The following SLC16A8 variants were observed in gnomAD, a reference collection of about 807,000 sequenced individuals.
SLC16A8 encodes the protein solute carrier family 16 member 8.
SLC16A8 carries 20 observed loss-of-function variants against 22.4 expected under a neutral mutation model. The ratio of observed to expected loss-of-function variants is 0.89; its 90% CI spans 0.63 to 1.30. SLC16A8 has a LOEUF of 1.30. Ranked by LOEUF, SLC16A8 falls within the 50% of genes most tolerant of loss-of-function variation. The probability of loss-of-function intolerance (pLI) is 0.00; values close to 1 mark genes in which losing one functional copy is unlikely to be tolerated. For missense variants in SLC16A8, 817 were observed against 740.3 expected (o/e 1.10, Z -1.20); for synonymous variants, 393 against 358.8 (o/e 1.10, Z -1.08).
chr22:38,080,763 A>G, intron 5 of SLC16A8, 77 bp downstream of exon 5: 1 of 1,426,572 alleles, frequency 7.0e-7, no homozygotes, highest in South Asian at 1.5e-5. Flanking sequence ...TGGAAGTTCC[A>G]TCTGAGACAG....
In SLC16A8 at chr22:38,081,464, C is replaced by G; in HGVS notation, c.574G>C (p.Ala192Pro). The G allele has an allele frequency of 7.5e-7, 1 of 1,329,934 alleles. No homozygotes were observed. The highest frequency in any genetic ancestry group is 9.5e-7 in the Non-Finnish European group (1 of 1,049,396). The allele number at this position is 1,329,934 out of a possible 1,614,324, so 82.4% of individuals were successfully genotyped here. Residue 192 changes from alanine (A) to proline (P), a missense_variant, in exon 5 of 6, where the codon GCT (alanine) becomes CCT (proline). Physicochemically the swap from Ala to Pro is conservative, Grantham distance 27. Transcript: ENST00000681075. ...GGCCCGGGCGGCGGCCTCATGACAG[C>G]CCCGCAGGCGCAGCAGTGCAGCAGG... ...GLLLHCCACG[A>P]VMRPPPGPGP...
rs796810299 is a variant in SLC16A8 at position 38,080,699 on chromosome 22, C to G, written c.1198+141G>C. On this transcript the variant is annotated intron_variant, in intron 5 of 5. Coordinates refer to ENST00000681075, the MANE Select transcript of SLC16A8 (RefSeq NM_013356.3). The stretch of plus-strand genomic sequence containing the variant: ...CGGGCGGTCCGGCTTGGAGGAGGGA[C>G]TAACTGGCCGTGAAGGGGAGTCCAC... 9 of 1,202,804 alleles carry G rather than the reference C, an allele frequency of 7.5e-6. No individual in the cohort carries two copies. The African/African-American group carries it at 1.2e-4, about 17-fold the overall frequency. The allele number at this position is 1,202,804 out of a possible 1,614,324, so 74.5% of individuals were successfully genotyped here.
Position 38,081,089 on chromosome 22 carries a change from GC to G in SLC16A8, c.948del (p.Pro317ArgfsTer19). On this transcript the variant is annotated frameshift_variant, in exon 5 of 6. Transcript: ENST00000681075. LOFTEE classifies it high-confidence loss of function. Reference sequence around the variant, plus strand: ...AGGCTGAACAGATACGGGACGTGCGGCCGCAGACGCGCCAGGCCCGCCAGGG... The same window carrying G: ...AGGCTGAACAGATACGGGACGTGCGGCGCAGACGCGCCAGGCCCGCCAGGG... ...CGALAGLARL[R>X]PHVPYLFSLA... 1 of 1,560,646 alleles carries G rather than the reference GC, an allele frequency of 6.4e-7. No homozygotes were observed. Among genetic ancestry groups the G allele is most frequent in the African/African-American group, 1.4e-5 (1 of 74,042 alleles).
chr22:38,081,364 G>A lies in SLC16A8; in HGVS notation c.674C>T (p.Ala225Val). ...GGATGCCTCGCGCAGCTGCAGCCCC[G>A]CACCGTCAGCCTCCGCCTCGCCCGG... ...DAPGEAEADGAGLQLREASPR... is the reference protein window; with the variant it reads ...DAPGEAEADGVGLQLREASPR... Residue 225 changes from alanine to valine, a missense_variant, in exon 5 of 6, where the codon GCG (alanine) becomes GTG (valine). Coordinates refer to ENST00000681075, the MANE Select transcript of SLC16A8 (RefSeq NM_013356.3). The A allele has an allele frequency of 7.0e-7, 1 of 1,435,440 alleles. No individual in the cohort carries two copies. The highest frequency in any genetic ancestry group is 1.5e-5 in the South Asian group (1 of 67,988). The allele number at this position is 1,435,440 out of a possible 1,614,324, so 88.9% of individuals were successfully genotyped here.
intron 1 of SLC16A8, among the ~76,000 whole-genome samples, chr22:38,083,774 A>C (rs1027444213): frequency 1.1e-5 from 1 of 89,568 alleles, no homozygotes; most frequent in South Asian, 3.2e-4. Context: ...GTGCACCAGG[A>C]GCCGGGGGCT....
At chr22:38,080,279 G>A (rs2085896344) in intron 5 of SLC16A8, among the ~76,000 whole-genome samples, 1 of 152,140 alleles carries the variant, frequency 6.6e-6, no homozygotes, top group African/African-American at 2.4e-5. Context: ...CCACCCTCAT[G>A]ACGATGACTT....
chr22:38,082,949 G>C, intron 2 of SLC16A8, 68 bp from the exon 3 acceptor site: 1 of 1,027,934 alleles, frequency 9.7e-7, no homozygotes, highest in Non-Finnish European at 1.4e-6. Flanking sequence ...GGGGGATGGA[G>C]ACGAAGCATG....
At chr22:38,082,633 G>T in intron 3 of SLC16A8, 27 bp downstream of exon 3, 3 of 1,524,192 alleles carry the variant, frequency 2.0e-6, no homozygotes, top group Non-Finnish European at 2.7e-6. Flanking sequence ...GTCCCGGGGA[G>T]GCGGAGGGCC....
chr22:38,080,696 G>A, intron 5 of SLC16A8, 144 bp downstream of exon 5: 4 of 1,168,058 alleles, frequency 3.4e-6, no homozygotes, highest in Admixed American at 3.0e-5. Flanking sequence ...CTTGGAGGAG[G>A]GACTAACTGG....
chr22:38,081,762 C>T, intron 4 of SLC16A8, 83 bp from the exon 5 acceptor site: 6 of 1,457,344 alleles, frequency 4.1e-6, no homozygotes, highest in Non-Finnish European at 5.4e-6. Flanking sequence ...GGCCCGGGAA[C>T]CCAGCAGATC....
At chr22:38,082,612 G>A (rs1345843246) in intron 3 of SLC16A8, 48 bp downstream of exon 3, 1 of 1,470,806 alleles carries the variant, frequency 6.8e-7, no homozygotes, top group Admixed American at 2.2e-5. Flanking sequence ...TCCTGGTTCC[G>A]GATCCCAGGG....
Position 38,081,329 on chromosome 22 carries a change from G to C in SLC16A8, c.709C>G (p.Arg237Gly). 1 of 1,487,070 alleles carries C rather than the reference G, an allele frequency of 6.7e-7. No homozygotes were observed. Among genetic ancestry groups the C allele is most frequent in the Non-Finnish European group, 8.9e-7 (1 of 1,118,896 alleles). 92.1% of individuals were successfully genotyped at this position (1,487,070 alleles called of 1,614,324 possible). Residue 237 changes from arginine to glycine, a missense_variant, in exon 5 of 6, where the codon CGG becomes GGG. Arg to Gly is a moderately radical substitution (Grantham distance 125). Transcript: ENST00000681075. ...LQLREASPRV[R>G]PRRRLLDLAV... Reference sequence around the variant, plus strand: ...AAGTCCAGCAGGCGCCGGCGGGGCCGGACCCTGGGGGATGCCTCGCGCAGC... The same window carrying C: ...AAGTCCAGCAGGCGCCGGCGGGGCCCGACCCTGGGGGATGCCTCGCGCAGC...
At position 38,083,077 on chromosome 22, in the gene SLC16A8, A is replaced by G; in HGVS notation, c.-44T>C. ...CTTCTCCTGCAAAGGGCGCTGAAGGACGAGGGGAGGACGACGGGTCCCACC... is the reference window on the plus strand; with the variant it reads ...CTTCTCCTGCAAAGGGCGCTGAAGGGCGAGGGGAGGACGACGGGTCCCACC... On this transcript the variant is annotated 5_prime_UTR_variant, in exon 2 of 6. Coordinates refer to ENST00000681075, the MANE Select transcript of SLC16A8 (RefSeq NM_013356.3). The G allele has an allele frequency of 1.7e-6, 1 of 583,954 alleles. No individual in the cohort carries two copies. The highest frequency in any genetic ancestry group is 3.1e-6 in the Non-Finnish European group (1 of 327,282). The allele number at this position is 583,954 out of a possible 1,614,324, so 36.2% of individuals were successfully genotyped here. A position where few individuals can be genotyped will look rare whatever the true frequency, so the allele number is the denominator to read the frequency against.
Position 38,081,014 on chromosome 22 carries a change from A to C in SLC16A8, c.1024T>G (p.Ser342Ala). 1 of 1,597,876 alleles carries C rather than the reference A, an allele frequency of 6.3e-7. No individual in the cohort carries two copies. The highest frequency in any genetic ancestry group is 8.5e-7 in the Non-Finnish European group (1 of 1,177,724). ...CAGAAGGCGACGAGGGCGCCGTAGG[A>C]GCGCGCGCGTGCGCTGCTCAGGTCT... ...LTDLSSARARSYGALVAFCVA... is the reference protein window; with the variant it reads ...LTDLSSARARAYGALVAFCVA... Residue 342 changes from serine (S) to alanine (A), a missense_variant, in exon 5 of 6, where the codon TCC (serine) becomes GCC (alanine). Transcript: ENST00000681075.
In SLC16A8 at chr22:38,078,349, T is replaced by G. The variant is rs770646414; in HGVS notation, c.*39A>C. 6.5e-7 allele frequency: 1 copy of G among 1,549,690 alleles called. No individual in the cohort carries two copies. Among genetic ancestry groups the G allele is most frequent in the Non-Finnish European group, 8.7e-7 (1 of 1,148,900 alleles). On this transcript the variant is annotated 3_prime_UTR_variant, in exon 6 of 6. Coordinates refer to ENST00000681075, the MANE Select transcript of SLC16A8 (RefSeq NM_013356.3). ...GGCTCTCTGAGACAAGAAGCTGTGT[T>G]CCCAAGTCACTGGGCCACCCCACCC...
In SLC16A8 at chr22:38,084,176, A is replaced by C. The variant is rs2085966235; in HGVS notation, c.-517T>G. 1 of 150,852 alleles carries C rather than the reference A, an allele frequency of 6.6e-6. No individual in the cohort carries two copies. The highest frequency in any genetic ancestry group is 2.1e-4 in the South Asian group (1 of 4,762). The allele number at this position is 150,852 out of a possible 1,614,324, so 9.3% of individuals were successfully genotyped here. A position where few individuals can be genotyped will look rare whatever the true frequency, so the allele number is the denominator to read the frequency against. On this transcript the variant is annotated 5_prime_UTR_variant, in exon 1 of 6. Transcript: ENST00000681075. ...GCTCCCTGCCCCAGGCCTGGAGCTT[A>C]GAGTGTGTGCCCCCACCACACCTCA... is the stretch of plus-strand genomic sequence containing the variant.
rs2085875550 is a variant in SLC16A8, at chr22:38,078,443, T to C, written c.1460A>G (p.Glu487Gly). 17 of 1,612,066 alleles carry C rather than the reference T, an allele frequency of 1.1e-5. No homozygotes were observed. The highest frequency in any genetic ancestry group is 8.8e-5 in the South Asian group (8 of 91,066). The change falls in exon 6 of 6, where the codon GAG becomes GGG. Residue 487 changes from glutamate (E) to glycine (G), a missense_variant. Coordinates refer to ENST00000681075, the MANE Select transcript of SLC16A8 (RefSeq NM_013356.3). ...EALEVLSARG[E>G]PTEPEIEARP... Reference sequence around the variant, plus strand: ...CGCCTCTATTTCTGGTTCTGTGGGCTCGCCCCGGGCGCTGAGCACCTCCAG... The same window carrying C: ...CGCCTCTATTTCTGGTTCTGTGGGCCCGCCCCGGGCGCTGAGCACCTCCAG...
rs867576223 is a variant in SLC16A8, at chr22:38,082,702, C to T, written c.172G>A (p.Ala58Thr). 1 of 1,590,042 alleles carries T rather than the reference C, an allele frequency of 6.3e-7. No individual in the cohort carries two copies. The highest frequency in any genetic ancestry group is 8.5e-7 in the Non-Finnish European group (1 of 1,170,114). Residue 58 changes from alanine (A) to threonine (T), a missense_variant, in exon 3 of 6, where the codon GCC (alanine) becomes ACC (threonine). Transcript: ENST00000681075. ...RDFDAGYSDT[A>T]WVSSIMLAML... is the part of the protein sequence containing the mutation. The stretch of plus-strand genomic sequence containing the variant: ...GCTAGCATGATGGAGGACACCCAGG[C>T]CGTGTCGCTGTAGCCGGCGTCGAAG...
In SLC16A8 at chr22:38,082,832, G is replaced by C; in HGVS notation, c.42C>G (p.Asp14Glu). ...CCAGCACCACCCAGCCCCAGCCGCC[G>C]TCTGGGGGGCCCTCGCCCCGCCGGG... ...GGPRRGEGPP[D>E]GGWGWVVLGA... Residue 14 changes from aspartate (D) to glutamate (E), a missense_variant, in exon 3 of 6, where the codon GAC becomes GAG. By Grantham distance (45) the Asp-to-Glu change is conservative. Coordinates refer to ENST00000681075, the MANE Select transcript of SLC16A8 (RefSeq NM_013356.3). 6.3e-7 allele frequency: 1 copy of C among 1,574,998 alleles called. No individual in the cohort carries two copies. Among genetic ancestry groups the C allele is most frequent in the Non-Finnish European group, 8.6e-7 (1 of 1,165,092 alleles).
Sources: gnomAD v4.1 joint callset for allele counts (sites outside exome capture counted in the v4.1 genomes callset) on GRCh38, gnomAD v4.1.1 for gene constraint, MANE v1.5 for transcripts, NCBI Gene and HGNC (gene_info 2026-07-23, HGNC 2026-07-21) for gene names.